Variants in PARD3 observed in about 807,000 individuals in gnomAD.
PARD3 encodes the protein partitioning defective 3 homolog.
Under a neutral mutation model 155.4 loss-of-function variants are expected in PARD3, and 75 were observed. The observed-to-expected ratio is 0.48, with a 90% CI of 0.40 to 0.58. PARD3 has a LOEUF of 0.58. Among genes scored for constraint, PARD3 ranks in the 20% least tolerant of loss-of-function variants. PARD3 has a pLI of 0.00. For missense variants in PARD3, 1,642 were observed against 1,721.7 expected (o/e 0.95, Z 0.82); for synonymous variants, 576 against 610.5 (o/e 0.94, Z 0.83).
At chr10:34,471,210 G>C (rs111567285) in intron 3 of PARD3, among the ~76,000 whole-genome samples, 4 of 152,110 alleles carry the variant, frequency 2.6e-5, no homozygotes, top group African/African-American at 9.7e-5. Context: ...ACAATTACAC[G>C]AAAGGTAGTA....
chr10:34,380,490 A>C (rs895954222), intron 9 of PARD3, among the ~76,000 whole-genome samples: 1 of 152,144 alleles, frequency 6.6e-6, no homozygotes, highest in African/African-American at 2.4e-5. Context: ...TGTAAGTAAA[A>C]TGTATCAATT....
intron 1 of PARD3, among the ~76,000 whole-genome samples, chr10:34,797,489 C>G (rs1384091906): frequency 6.6e-6 from 1 of 152,182 alleles, no homozygotes; most frequent in East Asian, 1.9e-4. Context: ...GAATCCCTTA[C>G]CTACTTTGTG....
At chr10:34,546,204 TG>T (rs1564830236) in intron 2 of PARD3, among the ~76,000 whole-genome samples, 1 of 152,160 alleles carries the variant, frequency 6.6e-6, no homozygotes, top group East Asian at 1.9e-4. Context: ...CTCTTTTTTT[TG>T]AAGTTAACAG....
intron 20 of PARD3, among the ~76,000 whole-genome samples, chr10:34,284,760 A>G (rs923320146): frequency 3.3e-5 from 5 of 152,250 alleles, no homozygotes; most frequent in African/African-American, 1.2e-4. Flanking sequence ...GGTTTAAAGT[A>G]CAACAGATCA....
At chr10:34,601,235 T>C (rs2089748988) in intron 2 of PARD3, among the ~76,000 whole-genome samples, 2 of 145,394 alleles carry the variant, frequency 1.4e-5, no homozygotes, top group Admixed American at 1.4e-4. Flanking sequence ...GAGACCAGCC[T>C]GGGCAACACA....
chr10:34,258,501 A>G (rs928355213), intron 22 of PARD3, among the ~76,000 whole-genome samples: 1 of 152,120 alleles, frequency 6.6e-6, no homozygotes, highest in Non-Finnish European at 1.5e-5. Flanking sequence ...AGAATGAAGA[A>G]TGATGAATTC....
At chr10:34,169,490 T>A (rs1046833853) in intron 22 of PARD3, among the ~76,000 whole-genome samples, 5 of 152,138 alleles carry the variant, frequency 3.3e-5, no homozygotes, top group African/African-American at 1.2e-4. Flanking sequence ...GGATGATACA[T>A]GAGCCAGGGG....
At position 34,814,937 on chromosome 10, in the gene PARD3, T is replaced by C; in HGVS notation, c.59A>G (p.His20Arg). The C allele has an allele frequency of 6.4e-7, 1 of 1,566,250 alleles. No homozygotes were observed. Among genetic ancestry groups the C allele is most frequent in the Non-Finnish European group, 8.6e-7 (1 of 1,158,332 alleles). The change falls in exon 1 of 25, where the codon CAC becomes CGC. Residue 20 changes from histidine to arginine, a missense_variant. By Grantham distance (29) the His-to-Arg change is conservative (BLOSUM62 0). Coordinates refer to ENST00000374788, the MANE Select transcript of PARD3 (RefSeq NM_001184785.2). ...TRVVVPCGDG[H>R]MKVFSLIQQA... Reference sequence around the variant, plus strand: ...CTGGATGAGGCTGAAAACTTTCATGTGGCCGTCCCCGCACGGCACGACCAC... The same window carrying C: ...CTGGATGAGGCTGAAAACTTTCATGCGGCCGTCCCCGCACGGCACGACCAC...
chr10:34,613,134 T>C (rs971734412), intron 2 of PARD3, among the ~76,000 whole-genome samples: 6 of 152,302 alleles, frequency 3.9e-5, no homozygotes, highest in Middle Eastern at 3.4e-3. Context: ...TAGCCTACGA[T>C]TGCTCAATCA....
chr10:34,761,843 T>C (rs960200694), intron 1 of PARD3, among the ~76,000 whole-genome samples: 3 of 152,180 alleles, frequency 2.0e-5, no homozygotes, highest in African/African-American at 7.2e-5. Flanking sequence ...AAAAAAATTA[T>C]GTATATCATG....
At chr10:34,748,546 C>G (rs1436368017) in intron 1 of PARD3, among the ~76,000 whole-genome samples, 2 of 151,976 alleles carry the variant, frequency 1.3e-5, no homozygotes, top group Non-Finnish European at 2.9e-5. Flanking sequence ...TCCCCTCCCA[C>G]CCCTCGCTCC....
At chr10:34,285,706 C>A (rs551460027) in intron 20 of PARD3, among the ~76,000 whole-genome samples, 4 of 151,978 alleles carry the variant, frequency 2.6e-5, no homozygotes, top group Admixed American at 1.3e-4. Context: ...ATCTGATTTC[C>A]AATACTTGTC....
chr10:34,465,292 C>T (rs1446526635), intron 4 of PARD3, among the ~76,000 whole-genome samples: 1 of 151,854 alleles, frequency 6.6e-6, no homozygotes, highest in Non-Finnish European at 1.5e-5. Flanking sequence ...CGTACATATG[C>T]AAAGAGCAAG....
chr10:34,322,617 C>T (rs1019137901), intron 19 of PARD3, among the ~76,000 whole-genome samples: 1 of 151,998 alleles, frequency 6.6e-6, no homozygotes, highest in African/African-American at 2.4e-5. Context: ...AGATTTGCTA[C>T]TAGATTAAAA....
intron 5 of PARD3, among the ~76,000 whole-genome samples, chr10:34,425,779 TA>T: frequency 6.6e-6 from 1 of 152,240 alleles, no homozygotes; most frequent in Non-Finnish European, 1.5e-5. Flanking sequence ...AATCCCCTTC[TA>T]GTTTAACTCT....
intron 2 of PARD3, among the ~76,000 whole-genome samples, chr10:34,579,582 G>A (rs906794828): frequency 1.8e-4 from 25 of 138,438 alleles, no homozygotes; most frequent in Admixed American, 7.8e-4. Flanking sequence ...GTGTGTGTGT[G>A]TGTGTGTGTG....
chr10:34,526,683 C>T (rs74548172), intron 2 of PARD3, among the ~76,000 whole-genome samples: 1 of 152,190 alleles, frequency 6.6e-6, no homozygotes, highest in Non-Finnish European at 1.5e-5. Context: ...CATACCCACA[C>T]ACCACCCTCA....
At chr10:34,482,032 CTT>C (rs58877037) in intron 3 of PARD3, among the ~76,000 whole-genome samples, 32 of 101,562 alleles carry the variant, frequency 3.2e-4, no homozygotes, top group Middle Eastern at 5.9e-3. Context: ...TAATTTTTAT[CTT>C]TTTTTTTTTT....
chr10:34,314,349 C>G (rs531483704), intron 20 of PARD3, among the ~76,000 whole-genome samples: 1 of 152,150 alleles, frequency 6.6e-6, no homozygotes, highest in African/African-American at 2.4e-5. Flanking sequence ...AATGACTATC[C>G]TCATCGTGTG....
Sources: gnomAD v4.1 joint callset for allele counts (sites outside exome capture counted in the v4.1 genomes callset) on GRCh38, gnomAD v4.1.1 for gene constraint, MANE v1.5 for transcripts, NCBI Gene and HGNC (gene_info 2026-07-23, HGNC 2026-07-21) for gene names.